The following KCND2 variants were observed in gnomAD, a reference collection of about 807,000 sequenced individuals.
KCND2 encodes the protein potassium voltage-gated channel subfamily D member 2.
Under a neutral mutation model 54.4 loss-of-function variants are expected in KCND2, and 16 were observed. The observed-to-expected ratio is 0.29, with a 90% confidence interval of 0.20 to 0.45. KCND2 has a LOEUF of 0.45. Among genes scored for constraint, KCND2 ranks in the 20% least tolerant of loss-of-function variants. The pLI is 1.00. For missense variants in KCND2, 486 were observed against 824.2 expected (o/e 0.59, Z 5.02); for synonymous variants, 317 against 310.7 (o/e 1.02, Z -0.21).
chr7:120,586,688 C>A (rs10265695), intron 1 of KCND2, among the ~76,000 whole-genome samples: 17,967 of 152,176 alleles, frequency 0.12, 1,735 homozygotes, highest in African/African-American at 0.28. Flanking sequence ...GCTTTCTCAA[C>A]GGTTTCCTGA....
At chr7:120,622,719 A>T (rs866837810) in intron 1 of KCND2, among the ~76,000 whole-genome samples, 3,075 of 134,076 alleles carry the variant, frequency 0.023, 81 homozygotes, top group African/African-American at 0.074. Context: ...TCTCTCTCAC[A>T]CACACACACA....
intron 1 of KCND2, among the ~76,000 whole-genome samples, chr7:120,339,515 G>C (rs1307555813): frequency 9.1e-5 from 2 of 22,084 alleles, no homozygotes; most frequent in African/African-American, 1.1e-4. Flanking sequence ...GTGTGTGTGT[G>C]TGTGTGTGTG....
chr7:120,282,818 G>A lies in KCND2; in HGVS notation c.1115+7071G>A, dbSNP rs779817611. On this transcript the variant is annotated intron_variant, in intron 1 of 5. Coordinates refer to ENST00000331113, the MANE Select transcript of KCND2 (RefSeq NM_012281.3). ...TACACTCTCAGGGAATCAGACTGTG[G>A]CTCACAGAGTTCAATTCAACATAAT... Among the ~76,000 whole-genome samples the A allele has an allele frequency of 6.8e-4, 103 of 152,198 alleles. 1 individual carries two copies. Among genetic ancestry groups the A allele is most frequent in the Non-Finnish European group, 1.2e-3 (81 of 68,004 alleles).
In KCND2 at chr7:120,474,998, G is replaced by T. The variant is rs7805931; in HGVS notation, c.1115+199251G>T. Reference sequence around the variant, plus strand: ...TAGAACTATAGGTGCACAGCACCACGCCTGGCTAAGGCCTTCACTTTTAAC... The same window carrying T: ...TAGAACTATAGGTGCACAGCACCACTCCTGGCTAAGGCCTTCACTTTTAAC... On this transcript the variant is annotated intron_variant, in intron 1 of 5. Transcript: ENST00000331113. 8.5e-5 allele frequency among the ~76,000 whole-genome samples: 13 copies of T among 152,116 alleles called. No individual in the cohort carries two copies. The East Asian group carries it at 2.5e-3, about 29-fold the overall frequency.
At chr7:120,619,361 G>T (rs779256344) in intron 1 of KCND2, among the ~76,000 whole-genome samples, 1 of 152,166 alleles carries the variant, frequency 6.6e-6, no homozygotes, top group Non-Finnish European at 1.5e-5. Context: ...GCAGTGAGCC[G>T]AGATTGTGCC....
chr7:120,580,157 T>A (rs1311725152), intron 1 of KCND2, among the ~76,000 whole-genome samples: 2 of 152,236 alleles, frequency 1.3e-5, no homozygotes, highest in African/African-American at 4.8e-5. Context: ...ATAACCCTCT[T>A]ACTCTTTAAG....
chr7:120,399,502 A>G (rs1433549065), intron 1 of KCND2, among the ~76,000 whole-genome samples: 1 of 151,874 alleles, frequency 6.6e-6, no homozygotes, highest in Non-Finnish European at 1.5e-5. Context: ...AAAACCTTTA[A>G]CTTCTCTCTA....
intron 1 of KCND2, among the ~76,000 whole-genome samples, chr7:120,639,487 T>C (rs756049010): frequency 6.6e-6 from 1 of 152,168 alleles, no homozygotes; most frequent in Admixed American, 6.6e-5. Flanking sequence ...CAGAGAGCAG[T>C]GCAACTCCAC....
chr7:120,527,600 A>G (rs1280858305), intron 1 of KCND2, among the ~76,000 whole-genome samples: 1 of 152,096 alleles, frequency 6.6e-6, no homozygotes, highest in East Asian at 1.9e-4. Context: ...CTCGTTCATG[A>G]TTATGGGACT....
chr7:120,711,130 T>A (rs1792532020), intron 1 of KCND2, among the ~76,000 whole-genome samples: 1 of 152,086 alleles, frequency 6.6e-6, no homozygotes, highest in Non-Finnish European at 1.5e-5. Flanking sequence ...ATATTTTATA[T>A]ACATTTGTTA....
chr7:120,429,260 G>A (rs1801758149), intron 1 of KCND2, among the ~76,000 whole-genome samples: 2 of 152,166 alleles, frequency 1.3e-5, no homozygotes, highest in South Asian at 4.1e-4. Flanking sequence ...AGTGGTGGGT[G>A]AAGCTATTGG....
At chr7:120,511,551 T>C (rs1456779317) in intron 1 of KCND2, among the ~76,000 whole-genome samples, 1 of 152,156 alleles carries the variant, frequency 6.6e-6, no homozygotes, top group African/African-American at 2.4e-5. Context: ...TTTTATTCTT[T>C]GGTGATGTAT....
intron 1 of KCND2, among the ~76,000 whole-genome samples, chr7:120,592,385 C>G (rs1157164427): frequency 6.6e-6 from 1 of 152,062 alleles, no homozygotes; most frequent in Non-Finnish European, 1.5e-5. Flanking sequence ...CACCCCATCT[C>G]TAAAGATACA....
At chr7:120,739,450 C>G (rs571411809) in intron 2 of KCND2, among the ~76,000 whole-genome samples, 10 of 152,074 alleles carry the variant, frequency 6.6e-5, no homozygotes, top group African/African-American at 2.4e-4. Flanking sequence ...GAAACTGCAG[C>G]CCAGCTTTTG....
rs189557687 is a variant in KCND2 at position 120,457,739 on chromosome 7, A to G, written c.1115+181992A>G. On this transcript the variant is annotated intron_variant, in intron 1 of 5. Coordinates refer to ENST00000331113, the MANE Select transcript of KCND2 (RefSeq NM_012281.3). ...TTTCTTACCTTTTTCTGAGCCCTCC[A>G]GACTGTTCCAACCTCTGCCTGTTAT... 4.2e-4 allele frequency among the ~76,000 whole-genome samples: 64 copies of G among 152,246 alleles called. 2 individuals carry two copies. The East Asian group carries it at 7.2e-3, about 17-fold the overall frequency.
intron 1 of KCND2, among the ~76,000 whole-genome samples, chr7:120,519,412 C>A (rs1037888027): frequency 3.3e-5 from 5 of 152,030 alleles, no homozygotes; most frequent in African/African-American, 1.2e-4. Flanking sequence ...TAGCTGACAG[C>A]CAGCAAGGAA....
At chr7:120,623,018 A>T (rs1459763601) in intron 1 of KCND2, among the ~76,000 whole-genome samples, 1 of 152,312 alleles carries the variant, frequency 6.6e-6, no homozygotes. Context: ...ATTAATAGTA[A>T]TATAATAGAC....
chr7:120,353,132 A>ATT (rs1491194211), intron 1 of KCND2, among the ~76,000 whole-genome samples: 5 of 75,032 alleles, frequency 6.7e-5, no homozygotes, highest in Admixed American at 3.2e-4. Flanking sequence ...AAATACTTTT[A>ATT]CTTTTTTTTT....
rs1411123691 is a variant in KCND2 at position 120,274,992 on chromosome 7, C to T, written c.360C>T (p.Ala120=). The T allele has an allele frequency of 6.2e-7, 1 of 1,614,116 alleles. No homozygotes were observed. Among genetic ancestry groups the T allele is most frequent in the Non-Finnish European group, 8.5e-7 (1 of 1,180,040 alleles). ...TCTCTGCTTACGATGAAGAACTGGC[C>T]TTCTTTGGCCTCATCCCGGAAATCA... is the stretch of plus-strand genomic sequence containing the variant. ...ECISAYDEEL[A]FFGLIPEIIG... Residue 120 remains alanine (A), a synonymous_variant, in exon 1 of 6, where the codon GCC becomes GCT. Coordinates refer to ENST00000331113, the MANE Select transcript of KCND2 (RefSeq NM_012281.3).
Sources: allele counts gnomAD v4.1 joint callset (sites outside exome capture counted in the v4.1 genomes callset), GRCh38; gene constraint gnomAD v4.1.1; transcripts MANE v1.5; gene names NCBI Gene and HGNC (gene_info 2026-07-23, HGNC 2026-07-21).